The following PXDNL variants were observed in gnomAD, a reference collection of about 807,000 sequenced individuals.
PXDNL encodes the protein peroxidasin like, also known as probable oxidoreductase PXDNL.
PXDNL carries 145 observed loss-of-function variants against 150.8 expected under a neutral mutation model. The observed-to-expected ratio is 0.96, with a 90% CI of 0.84 to 1.10. The LOEUF (loss-of-function observed/expected upper bound fraction) is 1.10. PXDNL is among the 50% of genes least tolerant of loss of function. The pLI, the probability that PXDNL is intolerant of heterozygous loss-of-function variation, is 0.00. For missense variants in PXDNL, 2,087 were observed against 1,873.9 expected (o/e 1.11, Z -2.10); for synonymous variants, 757 against 725.7 (o/e 1.04, Z -0.69).
At chr8:51,739,629 C>A (rs1017390985) in intron 1 of PXDNL, among the ~76,000 whole-genome samples, 4 of 152,076 alleles carry the variant, frequency 2.6e-5, no homozygotes, top group African/African-American at 9.7e-5. Context: ...AATCCCAGCA[C>A]TTTGGGAGGC....
At chr8:51,553,118 ACT>A (rs1434756845) in intron 4 of PXDNL, among the ~76,000 whole-genome samples, 1 of 152,156 alleles carries the variant, frequency 6.6e-6, no homozygotes, top group Non-Finnish European at 1.5e-5. Flanking sequence ...ATCTTCCTTG[ACT>A]CTGTGTCCTG....
chr8:51,397,378 T>A (rs1329615617), intron 17 of PXDNL, among the ~76,000 whole-genome samples: 1 of 152,186 alleles, frequency 6.6e-6, no homozygotes, highest in Non-Finnish European at 1.5e-5. Context: ...GTTTACATAG[T>A]TCAAATCCCT....
chr8:51,718,120 G>A (rs978209135), intron 1 of PXDNL, among the ~76,000 whole-genome samples: 1 of 152,134 alleles, frequency 6.6e-6, no homozygotes, highest in Non-Finnish European at 1.5e-5. Context: ...GAGGAGGCAG[G>A]CCTGGTTGGA....
At chr8:51,606,793 A>C (rs1585615577) in intron 2 of PXDNL, among the ~76,000 whole-genome samples, 1 of 152,038 alleles carries the variant, frequency 6.6e-6, no homozygotes, top group East Asian at 1.9e-4. Context: ...TTATATTATT[A>C]TTTTCACATG....
At chr8:51,492,199 G>T (rs556493956) in intron 5 of PXDNL, among the ~76,000 whole-genome samples, 7 of 152,122 alleles carry the variant, frequency 4.6e-5, no homozygotes, top group Admixed American at 2.0e-4. Flanking sequence ...TTTCTTTAAG[G>T]GAAAACATTT....
At chr8:51,688,634 C>G (rs916299076) in intron 1 of PXDNL, among the ~76,000 whole-genome samples, 11 of 152,202 alleles carry the variant, frequency 7.2e-5, no homozygotes, top group African/African-American at 2.4e-4. Flanking sequence ...ATTAGCCCCT[C>G]TATCCTAACC....
intron 12 of PXDNL, among the ~76,000 whole-genome samples, chr8:51,445,986 T>TA (rs35565640): frequency 0.041 from 5,958 of 145,450 alleles, 171 homozygotes; most frequent in South Asian, 0.11. Flanking sequence ...CAACTTCCTT[T>TA]AAAAAAAAAA....
intron 4 of PXDNL, among the ~76,000 whole-genome samples, chr8:51,509,162 T>C (rs561293003): frequency 1.3e-5 from 2 of 152,302 alleles, no homozygotes; most frequent in Admixed American, 6.5e-5. Flanking sequence ...AATAAGTGTA[T>C]GAGGTAAGAC....
chr8:51,401,363 T>G (rs993924990), intron 17 of PXDNL, among the ~76,000 whole-genome samples: 4 of 152,010 alleles, frequency 2.6e-5, no homozygotes, highest in Admixed American at 6.6e-5. Flanking sequence ...TATGCATAAG[T>G]AAGGAGATAG....
chr8:51,460,967 T>G (rs992293155), intron 8 of PXDNL, among the ~76,000 whole-genome samples: 1 of 152,144 alleles, frequency 6.6e-6, no homozygotes, highest in Non-Finnish European at 1.5e-5. Flanking sequence ...CTGATCTGCA[T>G]GCTCCCTTGT....
At chr8:51,342,220 T>C (rs1806007567) in intron 20 of PXDNL, among the ~76,000 whole-genome samples, 1 of 151,828 alleles carries the variant, frequency 6.6e-6, no homozygotes, top group Non-Finnish European at 1.5e-5. Context: ...GTATATGCTA[T>C]TTAAGAAGAT....
chr8:51,804,870 G>A (rs2037659065), intron 1 of PXDNL, among the ~76,000 whole-genome samples: 1 of 151,946 alleles, frequency 6.6e-6, no homozygotes, highest in South Asian at 2.1e-4. Flanking sequence ...AGTCTCCAGG[G>A]TACATTATAC....
intron 4 of PXDNL, among the ~76,000 whole-genome samples, chr8:51,514,331 A>G (rs1367183290): frequency 1.3e-5 from 2 of 152,228 alleles, no homozygotes; most frequent in East Asian, 3.8e-4. Flanking sequence ...GTCAGCAAAC[A>G]TATTTCCAAA....
rs143240831 is a variant in PXDNL at position 51,469,469 on chromosome 8, C to T, written c.812+2718G>A. Reference sequence around the variant, plus strand: ...AACTCCTACTGGATAGACACCAGACCTTTGCATTGTAGTCTCGATGTCTCT... The same window carrying T: ...AACTCCTACTGGATAGACACCAGACTTTTGCATTGTAGTCTCGATGTCTCT... On this transcript the variant is annotated intron_variant, in intron 8 of 22. Coordinates refer to ENST00000356297, the MANE Select transcript of PXDNL (RefSeq NM_144651.5). Among the ~76,000 whole-genome samples, 13 of 152,084 alleles carry T rather than the reference C, an allele frequency of 8.5e-5. No homozygotes were observed. The East Asian group carries it at 2.5e-3, about 29-fold the overall frequency.
chr8:51,802,243 T>TCA (rs2037628966), intron 1 of PXDNL, among the ~76,000 whole-genome samples: 1 of 152,150 alleles, frequency 6.6e-6, no homozygotes, highest in East Asian at 1.9e-4. Context: ...TCTTGGTGTT[T>TCA]TTACTACTCC....
chr8:51,783,963 T>C (rs531956910), intron 1 of PXDNL, among the ~76,000 whole-genome samples: 6 of 152,004 alleles, frequency 3.9e-5, no homozygotes, highest in Non-Finnish European at 7.4e-5. Flanking sequence ...TGTTCATGTC[T>C]TCTGAAAGAT....
chr8:51,484,917 G>A (rs1163538096), intron 5 of PXDNL, among the ~76,000 whole-genome samples: 1 of 152,202 alleles, frequency 6.6e-6, no homozygotes, highest in Non-Finnish European at 1.5e-5. Flanking sequence ...TGTGAAGAGA[G>A]AAAACACGAT....
At chr8:51,760,876 T>TTTTTTTTTTTTTTGGGGGGG in intron 1 of PXDNL, among the ~76,000 whole-genome samples, 1 of 115,882 alleles carries the variant, frequency 8.6e-6, no homozygotes, top group East Asian at 2.5e-4. Flanking sequence ...TTTTTTTTTT[T>TTTTTTTTTTTTTTGGGGGGG]GAGACGGAGT....
rs562944511 is a variant in PXDNL, at chr8:51,633,754, T to C, written c.236+20935A>G. On this transcript the variant is annotated intron_variant, in intron 2 of 22. Coordinates refer to ENST00000356297, the MANE Select transcript of PXDNL (RefSeq NM_144651.5). ...ATTAGTGACGTGGAGCATTTTTTCA[T>C]ATGTTTGTTGGCCGCTTGTATGTCT... Among the ~76,000 whole-genome samples, 6 of 152,300 alleles carry C rather than the reference T, an allele frequency of 3.9e-5. No individual in the cohort carries two copies. The South Asian group carries it at 1.2e-3, about 32-fold the overall frequency.
Sources: allele counts gnomAD v4.1 joint callset (sites outside exome capture counted in the v4.1 genomes callset), GRCh38; gene constraint gnomAD v4.1.1; transcripts MANE v1.5; gene names NCBI Gene and HGNC (gene_info 2026-07-23, HGNC 2026-07-21).